The following BABAM2 variants were observed in gnomAD, a reference collection of about 807,000 sequenced individuals.
The protein encoded by BABAM2 is BRISC and BRCA1-A complex member 2.
Under a neutral mutation model 54.7 loss-of-function variants are expected in BABAM2, and 31 were observed. That is an observed-to-expected ratio of 0.57 (90% confidence interval 0.43 to 0.77). The LOEUF (loss-of-function observed/expected upper bound fraction) is 0.77. BABAM2 is among the 30% of genes least tolerant of loss of function. The pLI, the probability that BABAM2 is intolerant of heterozygous loss-of-function variation, is 0.00. For synonymous variants in BABAM2, 167 were observed against 162.9 expected (o/e 1.03, Z -0.19); for missense variants, 364 against 455.8 (o/e 0.80, Z 1.83).
At chr2:28,228,737 C>G (rs1681112006) in intron 7 of BABAM2, among the ~76,000 whole-genome samples, 1 of 152,100 alleles carries the variant, frequency 6.6e-6, no homozygotes, top group Non-Finnish European at 1.5e-5. Flanking sequence ...CATACCAACT[C>G]TTAGTAGAAC....
In BABAM2 at chr2:28,123,616, G is replaced by A. The variant is rs191951759; in HGVS notation, c.571-5655G>A. On this transcript the variant is annotated intron_variant, in intron 6 of 11. Coordinates refer to ENST00000379624, the MANE Select transcript of BABAM2 (RefSeq NM_199191.3). ...CTTTTCTAATTTCCCAGATGGGAGG[G>A]AACACATGTACATGCTTGTTAGAGT... Among the ~76,000 whole-genome samples the A allele has an allele frequency of 7.5e-3, 1,142 of 152,262 alleles. 15 individuals are homozygous for A. Among genetic ancestry groups the A allele is most frequent in the African/African-American group, 0.027 (1,101 of 41,536 alleles).
rs564125972 is a variant in BABAM2 at position 28,321,584 on chromosome 2, G to A, written c.1089-16866G>A. Among the ~76,000 whole-genome samples, 7 of 152,258 alleles carry A rather than the reference G, an allele frequency of 4.6e-5. No homozygotes were observed. The East Asian group carries it at 1.3e-3, about 29-fold the overall frequency. Reference sequence around the variant, plus strand: ...CTTGTTCATACTGCGCAGGTTTTAGGAAAACAACAGCCTTTAATGCATGCT... The same window carrying A: ...CTTGTTCATACTGCGCAGGTTTTAGAAAAACAACAGCCTTTAATGCATGCT... On this transcript the variant is annotated intron_variant, in intron 11 of 11. Transcript: ENST00000379624.
intron 6 of BABAM2, among the ~76,000 whole-genome samples, chr2:28,079,647 C>T (rs533783896): frequency 2.6e-5 from 4 of 152,044 alleles, no homozygotes; most frequent in African/African-American, 9.6e-5. Flanking sequence ...GGTACCTTAC[C>T]TTCATACTTA....
intron 7 of BABAM2, among the ~76,000 whole-genome samples, chr2:28,145,066 G>A (rs1242449445): frequency 6.6e-6 from 1 of 152,220 alleles, no homozygotes; most frequent in Non-Finnish European, 1.5e-5. Flanking sequence ...AGTTCTGGGT[G>A]TGGTTTTAGG....
intron 7 of BABAM2, among the ~76,000 whole-genome samples, chr2:28,188,938 C>T (rs771980455): frequency 2.0e-5 from 3 of 152,186 alleles, no homozygotes; most frequent in Non-Finnish European, 2.9e-5. Context: ...CAATGGCTCA[C>T]GCCTGTAATC....
intron 3 of BABAM2, among the ~76,000 whole-genome samples, chr2:27,965,894 G>T: frequency 6.7e-6 from 1 of 149,370 alleles, no homozygotes; most frequent in African/African-American, 2.5e-5. Flanking sequence ...TCATTTCTTT[G>T]CCTTCTCTTC....
intron 7 of BABAM2, 38 bp from the exon 8 acceptor site, chr2:28,237,164 C>T (rs764948284): frequency 1.3e-6 from 2 of 1,563,348 alleles, no homozygotes; most frequent in East Asian, 2.2e-5. Flanking sequence ...GTTGCTTGAG[C>T]CCTAAGAGAA....
At chr2:27,894,440 G>A in intron 1 of BABAM2, 93 bp from the exon 2 acceptor site, 1 of 1,199,396 alleles carries the variant, frequency 8.3e-7, no homozygotes, top group Non-Finnish European at 1.2e-6. Flanking sequence ...ATTCATGCAA[G>A]AGGAACTGCT....
At chr2:28,146,772 A>T (rs1389622541) in intron 7 of BABAM2, among the ~76,000 whole-genome samples, 1 of 152,122 alleles carries the variant, frequency 6.6e-6, no homozygotes, top group Non-Finnish European at 1.5e-5. Flanking sequence ...TCTGATCCTG[A>T]CTTGGATTTT....
chr2:27,944,891 T>C (rs1669183670), intron 3 of BABAM2, among the ~76,000 whole-genome samples: 1 of 152,214 alleles, frequency 6.6e-6, no homozygotes, highest in South Asian at 2.1e-4. Context: ...TTTGGTATTG[T>C]TGATCCATTA....
At chr2:28,050,286 G>T (rs538838570) in intron 6 of BABAM2, among the ~76,000 whole-genome samples, 13 of 152,180 alleles carry the variant, frequency 8.5e-5, no homozygotes, top group Non-Finnish European at 1.6e-4. Context: ...CTTCTATGTC[G>T]TAGCCATGGC....
At chr2:28,173,858 A>G (rs1331021656) in intron 7 of BABAM2, among the ~76,000 whole-genome samples, 5 of 152,238 alleles carry the variant, frequency 3.3e-5, no homozygotes, top group African/African-American at 1.2e-4. Flanking sequence ...AGGTTGGTAC[A>G]TGACCTTTGA....
At chr2:28,299,054 C>G (rs1295077666) in intron 11 of BABAM2, among the ~76,000 whole-genome samples, 2 of 152,210 alleles carry the variant, frequency 1.3e-5, no homozygotes, top group African/African-American at 2.4e-5. Flanking sequence ...GGTAGCTACT[C>G]TTTCATATGG....
intron 6 of BABAM2, among the ~76,000 whole-genome samples, chr2:28,070,437 A>G (rs1022994933): frequency 3.3e-5 from 5 of 152,086 alleles, no homozygotes; most frequent in African/African-American, 1.2e-4. Context: ...CTCTTCAAAA[A>G]TCCTCAGGGA....
At chr2:28,107,800 T>C (rs1278008982) in intron 6 of BABAM2, among the ~76,000 whole-genome samples, 2 of 152,234 alleles carry the variant, frequency 1.3e-5, no homozygotes, top group Non-Finnish European at 2.9e-5. Flanking sequence ...CGTAGATCCT[T>C]AGTGCCTTTA....
chr2:28,224,495 A>C (rs1017949593), intron 7 of BABAM2, among the ~76,000 whole-genome samples: 1 of 152,028 alleles, frequency 6.6e-6, no homozygotes, highest in African/African-American at 2.4e-5. Context: ...TTTAGTCTTA[A>C]CTCTTCTCTG....
At chr2:28,233,181 C>T (rs983266960) in intron 7 of BABAM2, 6 of 471,436 alleles carry the variant, frequency 1.3e-5, no homozygotes, top group Non-Finnish European at 2.6e-5. Flanking sequence ...TTCCTTCTCA[C>T]CCGCTTCCTC....
intron 10 of BABAM2, among the ~76,000 whole-genome samples, chr2:28,282,271 G>A (rs1686425998): frequency 6.6e-6 from 1 of 152,132 alleles, no homozygotes; most frequent in African/African-American, 2.4e-5. Flanking sequence ...AAAAGTCTGA[G>A]CTCATCATGC....
intron 9 of BABAM2, among the ~76,000 whole-genome samples, chr2:28,243,465 G>C (rs576876369): frequency 1.0e-3 from 153 of 152,130 alleles, no homozygotes; most frequent in Non-Finnish European, 1.4e-3. Context: ...CCGGGAGGCG[G>C]AGGTTGCAGT....
Sources: allele counts gnomAD v4.1 joint callset (sites outside exome capture counted in the v4.1 genomes callset), GRCh38; gene constraint gnomAD v4.1.1; transcripts MANE v1.5; gene names NCBI Gene and HGNC (gene_info 2026-07-23, HGNC 2026-07-21).